PPFIA2: variants seen among roughly 807,000 people sequenced by gnomAD.
PPFIA2 encodes PPFI scaffold protein A2, also known as liprin-alpha-2.
A neutral mutation model predicts 175.5 loss-of-function variants in PPFIA2; 46 were observed. The observed-to-expected ratio is 0.26, with a 90% CI of 0.21 to 0.34. The LOEUF (loss-of-function observed/expected upper bound fraction) is 0.34. PPFIA2 is among the 10% of genes least tolerant of loss of function. The pLI is 1.00. For synonymous variants in PPFIA2, 568 were observed against 511.4 expected (o/e 1.11, Z -1.49); for missense variants, 1,179 against 1,506.1 (o/e 0.78, Z 3.60).
chr12:81,477,064 CG>C lies in PPFIA2; in HGVS notation c.304-19199del, dbSNP rs1418793382. ...ACACTGGAGCCTGTCTGGGTGGTAG[CG>C]GGGGAAGGGAGAGCATCAGGAAAAA... On this transcript the variant is annotated intron_variant, in intron 4 of 32. Transcript: ENST00000549396. 2.6e-5 allele frequency among the ~76,000 whole-genome samples: 4 copies of C among 151,648 alleles called. No individual in the cohort carries two copies. The East Asian group carries it at 7.8e-4, about 29-fold the overall frequency.
chr12:81,403,341 C>T (rs1367535543), intron 8 of PPFIA2, among the ~76,000 whole-genome samples: 1 of 152,148 alleles, frequency 6.6e-6, no homozygotes, highest in Non-Finnish European at 1.5e-5. Context: ...AGACAAATAT[C>T]AATTATGCAT....
intron 3 of PPFIA2, among the ~76,000 whole-genome samples, chr12:81,724,115 A>G (rs932993502): frequency 2.7e-5 from 4 of 150,910 alleles, no homozygotes; most frequent in African/African-American, 9.7e-5. Context: ...CTAAATGTGA[A>G]TAATCTTAAG....
intron 4 of PPFIA2, among the ~76,000 whole-genome samples, chr12:81,485,317 C>G (rs2058695443): frequency 1.3e-5 from 2 of 151,602 alleles, no homozygotes; most frequent in Admixed American, 6.6e-5. Context: ...TTTTCATCAT[C>G]ATTTAGTCTT....
At chr12:81,678,180 A>G (rs2072934712) in intron 3 of PPFIA2, among the ~76,000 whole-genome samples, 1 of 151,632 alleles carries the variant, frequency 6.6e-6, no homozygotes, top group Non-Finnish European at 1.5e-5. Flanking sequence ...AAGAGGGGGG[A>G]ATATAGTTGC....
chr12:81,685,353 A>G (rs552155057), intron 3 of PPFIA2, among the ~76,000 whole-genome samples: 2 of 152,134 alleles, frequency 1.3e-5, no homozygotes, highest in African/African-American at 4.8e-5. Flanking sequence ...TAAGCAGGAA[A>G]CATACAGACC....
intron 3 of PPFIA2, among the ~76,000 whole-genome samples, chr12:81,716,403 T>C (rs1034934450): frequency 6.6e-6 from 1 of 151,702 alleles, no homozygotes; most frequent in Non-Finnish European, 1.5e-5. Flanking sequence ...AGAACTATAG[T>C]CTAAATACTG....
intron 3 of PPFIA2, among the ~76,000 whole-genome samples, chr12:81,730,256 G>C (rs552866350): frequency 2.0e-5 from 3 of 151,622 alleles, no homozygotes; most frequent in African/African-American, 7.2e-5. Context: ...TGAATATTAA[G>C]AACTATTCAA....
chr12:81,567,271 G>C (rs1464992829), intron 4 of PPFIA2, among the ~76,000 whole-genome samples: 1 of 152,054 alleles, frequency 6.6e-6, no homozygotes, highest in African/African-American at 2.4e-5. Context: ...GGATGGTCTC[G>C]ATCTCCTGAC....
At chr12:81,267,814 A>C in intron 29 of PPFIA2, 98 bp downstream of exon 29, 1 of 1,063,520 alleles carries the variant, frequency 9.4e-7, no homozygotes, top group Non-Finnish European at 1.3e-6. Flanking sequence ...GTTAACTTTC[A>C]TTAACAATCA....
intron 3 of PPFIA2, among the ~76,000 whole-genome samples, chr12:81,714,446 G>T (rs1470294569): frequency 6.6e-6 from 1 of 151,014 alleles, no homozygotes; most frequent in African/African-American, 2.4e-5. Flanking sequence ...AACATTTTAG[G>T]CTTGATATTC....
chr12:81,733,350 A>G (rs2081168496), intron 3 of PPFIA2, among the ~76,000 whole-genome samples: 2 of 151,688 alleles, frequency 1.3e-5, no homozygotes, highest in African/African-American at 2.4e-5. Context: ...CAATGGATGT[A>G]AATTTTCAGT....
intron 4 of PPFIA2, among the ~76,000 whole-genome samples, chr12:81,609,588 T>A (rs1198856826): frequency 6.6e-6 from 1 of 152,192 alleles, no homozygotes; most frequent in Middle Eastern, 3.2e-3. Flanking sequence ...GATATAGAAA[T>A]AGGGACGCTT....
chr12:81,350,873 G>A (rs2059888814), intron 17 of PPFIA2, among the ~76,000 whole-genome samples: 1 of 151,968 alleles, frequency 6.6e-6, no homozygotes, highest in African/African-American at 2.4e-5. Flanking sequence ...GTAGAAGGAA[G>A]CCAACTGATT....
intron 4 of PPFIA2, among the ~76,000 whole-genome samples, chr12:81,555,608 T>G (rs1224974988): frequency 6.6e-6 from 1 of 152,028 alleles, no homozygotes; most frequent in Admixed American, 6.6e-5. Flanking sequence ...TAGGTTTGTT[T>G]AAATTAATAT....
At chr12:81,726,660 C>T (rs1275498264) in intron 3 of PPFIA2, among the ~76,000 whole-genome samples, 1 of 149,080 alleles carries the variant, frequency 6.7e-6, no homozygotes, top group African/African-American at 2.4e-5. Context: ...AACAGAGAAA[C>T]TACCACTAAG....
chr12:81,719,152 T>C (rs1459686687), intron 3 of PPFIA2, among the ~76,000 whole-genome samples: 2 of 151,664 alleles, frequency 1.3e-5, no homozygotes, highest in Non-Finnish European at 3.0e-5. Context: ...GTGACTTCTA[T>C]TAGTTTGAAA....
intron 22 of PPFIA2, among the ~76,000 whole-genome samples, chr12:81,308,808 G>T (rs1257056334): frequency 6.6e-6 from 1 of 152,128 alleles, no homozygotes; most frequent in Admixed American, 6.5e-5. Flanking sequence ...CCAGAGAAAA[G>T]TTAGCCTAGT....
At chr12:81,598,041 A>G (rs1381289248) in intron 4 of PPFIA2, 1 of 1,534,918 alleles carries the variant, frequency 6.5e-7, no homozygotes, top group South Asian at 1.2e-5. Flanking sequence ...ATTTCTGATC[A>G]CTGAGACAAT....
At chr12:81,352,619 AT>A (rs1207396417) in intron 17 of PPFIA2, among the ~76,000 whole-genome samples, 1 of 151,958 alleles carries the variant, frequency 6.6e-6, no homozygotes, top group East Asian at 2.0e-4. Context: ...CCTGATATAA[AT>A]GGCATAAAAT....
Sources: gnomAD v4.1 joint callset for allele counts (sites outside exome capture counted in the v4.1 genomes callset) on GRCh38, gnomAD v4.1.1 for gene constraint, MANE v1.5 for transcripts, NCBI Gene and HGNC (gene_info 2026-07-23, HGNC 2026-07-21) for gene names.